LDB2: variants seen among roughly 807,000 people sequenced by gnomAD.
LDB2 encodes LIM domain binding 2.
A neutral mutation model predicts 44.3 loss-of-function variants in LDB2; 12 were observed. That is an observed-to-expected ratio of 0.27 (90% CI 0.17 to 0.44). LDB2 has a LOEUF of 0.44. Among genes scored for constraint, LDB2 ranks in the 20% least tolerant of loss-of-function variants. The pLI, the probability that LDB2 is intolerant of heterozygous loss-of-function variation, is 1.00. For synonymous variants in LDB2, 164 were observed against 174.8 expected (o/e 0.94, Z 0.49); for missense variants, 344 against 473.5 (o/e 0.73, Z 2.54).
intron 2 of LDB2, among the ~76,000 whole-genome samples, chr4:16,755,257 C>T (rs1275732464): frequency 6.6e-6 from 1 of 152,044 alleles, no homozygotes; most frequent in Non-Finnish European, 1.5e-5. Context: ...TCAGCCTAAC[C>T]CAAGACAGAG....
chr4:16,616,652 G>GC (rs1727416278), intron 2 of LDB2, among the ~76,000 whole-genome samples: 1 of 149,952 alleles, frequency 6.7e-6, no homozygotes, highest in Non-Finnish European at 1.5e-5. Context: ...ACTTGAGGCT[G>GC]CCCTGGTGCT....
At chr4:16,725,387 A>C (rs1759220849) in intron 2 of LDB2, among the ~76,000 whole-genome samples, 1 of 151,986 alleles carries the variant, frequency 6.6e-6, no homozygotes, top group Non-Finnish European at 1.5e-5. Context: ...GCATGCAGCC[A>C]CCTGTCCAGG....
chr4:16,668,793 T>C (rs977316657), intron 2 of LDB2, among the ~76,000 whole-genome samples: 85 of 152,224 alleles, frequency 5.6e-4, no homozygotes, highest in African/African-American at 1.9e-3. Flanking sequence ...AGAGAGTCAT[T>C]ACAGCTCTGT....
At chr4:16,605,667 A>G (rs1017693169) in intron 2 of LDB2, among the ~76,000 whole-genome samples, 2 of 152,188 alleles carry the variant, frequency 1.3e-5, no homozygotes, top group African/African-American at 2.4e-5. Flanking sequence ...TGTTCAACAG[A>G]ATAGATGTCA....
At chr4:16,853,112 A>G (rs1027902188) in intron 1 of LDB2, among the ~76,000 whole-genome samples, 5 of 152,358 alleles carry the variant, frequency 3.3e-5, no homozygotes, top group Admixed American at 2.6e-4. Context: ...TTCATGTGCT[A>G]TTATGCTACA....
chr4:16,675,581 G>GA (rs201901958), intron 2 of LDB2, among the ~76,000 whole-genome samples: 1,409 of 140,708 alleles, frequency 0.01, 12 homozygotes, highest in African/African-American at 0.03. Flanking sequence ...GGTACAAAAT[G>GA]AAAAAAAAAA....
intron 5 of LDB2, among the ~76,000 whole-genome samples, chr4:16,576,616 A>G (rs1048367872): frequency 6.6e-6 from 1 of 152,208 alleles, no homozygotes; most frequent in African/African-American, 2.4e-5. Context: ...AGAAAAGCCC[A>G]GGAGCTGGTG....
At chr4:16,895,240 C>A (rs1350924482) in intron 1 of LDB2, among the ~76,000 whole-genome samples, 1 of 152,042 alleles carries the variant, frequency 6.6e-6, no homozygotes, top group African/African-American at 2.4e-5. Context: ...AATATTAACT[C>A]CCAATGCCAT....
At chr4:16,739,660 A>G (rs1311889200) in intron 2 of LDB2, among the ~76,000 whole-genome samples, 16 of 81,172 alleles carry the variant, frequency 2.0e-4, no homozygotes, top group African/African-American at 7.1e-4. Context: ...GTGTGTATAT[A>G]TGTATATATA....
chr4:16,670,171 T>C (rs16893733), intron 2 of LDB2, among the ~76,000 whole-genome samples: 5,505 of 152,268 alleles, frequency 0.036, 330 homozygotes, highest in African/African-American at 0.12. Context: ...CTCGAAACCT[T>C]TGTCAGGTGG....
rs146208733 is a variant in LDB2 at position 16,880,666 on chromosome 4, G to A, written c.132+17688C>T. On this transcript the variant is annotated intron_variant, in intron 1 of 7. Transcript: ENST00000304523. ...CTGTGTCCTCTGCTGCTGATACAAA[G>A]ATAAGCCAGGCGTCGGATCACGAGG... 1.5e-4 allele frequency among the ~76,000 whole-genome samples: 23 copies of A among 152,196 alleles called. No homozygotes were observed. In the East Asian group the frequency reaches 2.9e-3, roughly 19 times the overall value.
intron 1 of LDB2, among the ~76,000 whole-genome samples, chr4:16,878,294 T>G (rs764034775): frequency 1.4e-4 from 22 of 152,166 alleles, no homozygotes; most frequent in Non-Finnish European, 2.4e-4. Context: ...GGGGGACACA[T>G]GTACATACTG....
chr4:16,752,522 G>A, intron 2 of LDB2: 2 of 407,624 alleles, frequency 4.9e-6, no homozygotes, highest in Non-Finnish European at 9.6e-6. Context: ...CCCACTATGT[G>A]CCAAATAAAT....
chr4:16,668,612 A>G (rs1743943941), intron 2 of LDB2, among the ~76,000 whole-genome samples: 1 of 152,214 alleles, frequency 6.6e-6, no homozygotes, highest in Non-Finnish European at 1.5e-5. Context: ...TAAAAGCTAT[A>G]TTATCCTAAG....
Position 16,701,090 on chromosome 4 carries a change from G to A in LDB2, c.235+58068C>T, listed in dbSNP as rs75359019. Among the ~76,000 whole-genome samples, 1,444 of 152,306 alleles carry A rather than the reference G, an allele frequency of 9.5e-3. 13 individuals carry two copies. The highest frequency in any genetic ancestry group is 0.019 in the South Asian group (93 of 4,832). The stretch of plus-strand genomic sequence containing the variant: ...TAATGACCCAAGGCTACACTGCAAG[G>A]AAGTGATTGAAATAGAATTCAAACC... On this transcript the variant is annotated intron_variant, in intron 2 of 7. Transcript: ENST00000304523.
chr4:16,657,509 G>C (rs1206431916), intron 2 of LDB2, among the ~76,000 whole-genome samples: 1 of 152,172 alleles, frequency 6.6e-6, no homozygotes, highest in Admixed American at 6.5e-5. Context: ...TGATCTTTTA[G>C]AAATGGAAAT....
intron 2 of LDB2, among the ~76,000 whole-genome samples, chr4:16,617,561 T>C (rs1373404259): frequency 6.6e-6 from 1 of 152,120 alleles, no homozygotes; most frequent in Non-Finnish European, 1.5e-5. Context: ...CGGTTTTGTA[T>C]AGAAAACGTG....
chr4:16,856,698 A>C (rs1468369653), intron 1 of LDB2, among the ~76,000 whole-genome samples: 1 of 152,166 alleles, frequency 6.6e-6, no homozygotes, highest in Non-Finnish European at 1.5e-5. Flanking sequence ...GCTCACACCT[A>C]TATAATGTTT....
intron 2 of LDB2, among the ~76,000 whole-genome samples, chr4:16,751,494 T>C (rs1765493674): frequency 6.6e-6 from 1 of 152,142 alleles, no homozygotes; most frequent in Non-Finnish European, 1.5e-5. Context: ...AAACCACAAA[T>C]GGGAAGAGAT....
Sources: allele counts gnomAD v4.1 joint callset (sites outside exome capture counted in the v4.1 genomes callset), GRCh38; gene constraint gnomAD v4.1.1; transcripts MANE v1.5; gene names NCBI Gene and HGNC (gene_info 2026-07-23, HGNC 2026-07-21).